The following CLEC12A variants were observed in gnomAD, a reference collection of about 807,000 sequenced individuals.
CLEC12A encodes the protein C-type lectin domain family 12 member A.
CLEC12A carries 22 observed loss-of-function variants against 26.5 expected under a neutral mutation model. That is an observed-to-expected ratio of 0.83 (90% CI 0.59 to 1.19). The LOEUF (loss-of-function observed/expected upper bound fraction) is 1.19, where lower values mean the gene tolerates loss of function less well. Ranked by LOEUF, CLEC12A falls within the 50% of genes most tolerant of loss-of-function variation. CLEC12A has a pLI of 0.00. For missense variants in CLEC12A, 353 were observed against 315.6 expected (o/e 1.12, Z -0.90); for synonymous variants, 119 against 101.9 (o/e 1.17, Z -1.01).
the CLEC12A span, among the ~76,000 whole-genome samples, chr12:10,002,977 G>T: frequency 3.9e-5 from 6 of 152,108 alleles, no homozygotes; most frequent in Non-Finnish European, 7.4e-5. Flanking sequence ...GGGATGTCCT[G>T]TATATATTTT....
downstream of CLEC12A, chr12:9,985,626 T>C (rs1275429123): frequency 2.5e-6 from 1 of 395,140 alleles, no homozygotes; most frequent in African/African-American, 2.1e-5. Context: ...TTAACTTCTG[T>C]GTGTTGAGCT....
At chr12:9,995,297 G>C (rs763607837) in exon 5 of CLEC12A, 1 of 1,455,194 alleles carries the variant, frequency 6.9e-7, no homozygotes, top group Non-Finnish European at 9.6e-7. Flanking sequence ...CACAGCTCTT[G>C]GTATGATAGA....
exon 5 of CLEC12A, chr12:9,995,128 C>T (rs1865007304): frequency 1.2e-6 from 2 of 1,610,966 alleles, no homozygotes; most frequent in Non-Finnish European, 1.7e-6. Flanking sequence ...TTCTAAGTGT[C>T]CAGTGACTTA....
chr12:9,971,169 G>T (rs1864111867), upstream of CLEC12A, among the ~76,000 whole-genome samples: 2 of 152,090 alleles, frequency 1.3e-5, no homozygotes, highest in Non-Finnish European at 2.9e-5. Context: ...CATCTTTTCT[G>T]TTATTTTTCT....
downstream of CLEC12A, chr12:9,999,300 C>T: frequency 2.4e-6 from 1 of 421,676 alleles, no homozygotes; most frequent in Non-Finnish European, 4.2e-6. Flanking sequence ...GATACATGGA[C>T]CTTGAACACA....
chr12:9,975,543 A>G (rs1864301151), intron 1 of CLEC12A, among the ~76,000 whole-genome samples: 1 of 152,220 alleles, frequency 6.6e-6, no homozygotes, highest in South Asian at 2.1e-4. Flanking sequence ...GCAGCAAAGC[A>G]TTAAAGACGT....
intron 1 of CLEC12A, among the ~76,000 whole-genome samples, chr12:9,974,894 A>T (rs1427651223): frequency 6.6e-6 from 1 of 152,154 alleles, no homozygotes; most frequent in East Asian, 1.9e-4. Context: ...ATGCTGTAGG[A>T]GGGACATGGT....
Position 9,957,291 on chromosome 12 carries a change from T to C in CLEC12A, c.10+5935T>C, listed in dbSNP as rs375882686. On this transcript the variant is annotated intron_variant, in intron 1 of 6. Transcript: ENST00000355690. ...TCACCTGAGGTCAGGAGTTTGAGACTAGCCTGACCAACATGGACAAACCCC... is the reference window on the plus strand; with the variant it reads ...TCACCTGAGGTCAGGAGTTTGAGACCAGCCTGACCAACATGGACAAACCCC... 9.9e-5 allele frequency among the ~76,000 whole-genome samples: 15 copies of C among 152,078 alleles called. No homozygotes were observed. In the East Asian group the frequency reaches 2.3e-3, roughly 24 times the overall value.
downstream of CLEC12A, among the ~76,000 whole-genome samples, chr12:9,989,878 G>T (rs972371096): frequency 2.0e-5 from 3 of 152,122 alleles, no homozygotes; most frequent in African/African-American, 7.2e-5. Context: ...AAAGCCAGTA[G>T]TCTTTTATCA....
intron 3 of CLEC12A, among the ~76,000 whole-genome samples, chr12:9,980,290 G>A (rs770020781): frequency 1.3e-5 from 2 of 151,130 alleles, no homozygotes; most frequent in African/African-American, 2.4e-5. Flanking sequence ...CTTCCCCTTC[G>A]ATGTAAAAAA....
At chr12:10,003,738 A>T in the CLEC12A span, among the ~76,000 whole-genome samples, 4 of 151,908 alleles carry the variant, frequency 2.6e-5, no homozygotes, top group Non-Finnish European at 4.4e-5. Flanking sequence ...ACATGCTGAA[A>T]CCCTTCCTCT....
chr12:9,970,537 C>T (rs1408700684), upstream of CLEC12A, among the ~76,000 whole-genome samples: 9 of 152,114 alleles, frequency 5.9e-5, no homozygotes, highest in Admixed American at 2.0e-4. Context: ...ACAGTCCTCT[C>T]CACCCCCTCA....
Position 9,961,266 on chromosome 12 carries a change from G to A in CLEC12A, c.10+9910G>A, listed in dbSNP as rs550472058. ...CTGAGAGATATAATGAAGCGTGTTC[G>A]ACACGCACTTCCTGTCATGGCCTGA... On this transcript the variant is annotated intron_variant, in intron 1 of 6. Coordinates refer to the CLEC12A transcript ENST00000355690. 2.2e-4 allele frequency among the ~76,000 whole-genome samples: 34 copies of A among 152,288 alleles called. 1 individual carries two copies. The highest frequency in any genetic ancestry group is 6.5e-4 in the African/African-American group (27 of 41,554).
chr12:9,956,934 T>C (rs968503253), intron 1 of CLEC12A, among the ~76,000 whole-genome samples: 12 of 152,236 alleles, frequency 7.9e-5, no homozygotes, highest in African/African-American at 2.9e-4. Flanking sequence ...TATGGATTCA[T>C]CACCTCAGAA....
chr12:9,969,405 C>A (rs976141509), upstream of CLEC12A, among the ~76,000 whole-genome samples: 14 of 152,130 alleles, frequency 9.2e-5, no homozygotes, highest in South Asian at 2.9e-3. Flanking sequence ...TTTTAAAAAA[C>A]TGATATAGGC....
intron 1 of CLEC12A, among the ~76,000 whole-genome samples, chr12:9,978,560 T>G (rs555391688): frequency 6.6e-6 from 1 of 152,162 alleles, no homozygotes; most frequent in African/African-American, 2.4e-5. Flanking sequence ...GCCACAATTG[T>G]CTACTCAAGC....
At chr12:9,967,984 G>A (rs959306939), upstream of CLEC12A, among the ~76,000 whole-genome samples, 4 of 152,270 alleles carry the variant, frequency 2.6e-5, no homozygotes, top group African/African-American at 4.8e-5. Flanking sequence ...AATAAAACGC[G>A]TCTCCTTCAT....
chr12:9,976,112 C>T (rs1864324752), intron 1 of CLEC12A, among the ~76,000 whole-genome samples: 1 of 152,196 alleles, frequency 6.6e-6, no homozygotes, highest in Non-Finnish European at 1.5e-5. Flanking sequence ...ATAACCTCTG[C>T]TAGGACAGTG....
chr12:9,969,792 C>T (rs1864061396), upstream of CLEC12A, among the ~76,000 whole-genome samples: 1 of 152,178 alleles, frequency 6.6e-6, no homozygotes, highest in African/African-American at 2.4e-5. Context: ...GCTACTCTTT[C>T]CCACCAGGAG....
Sources: gnomAD v4.1 joint callset for allele counts (sites outside exome capture counted in the v4.1 genomes callset) on GRCh38, gnomAD v4.1.1 for gene constraint, MANE v1.5 for transcripts, NCBI Gene and HGNC (gene_info 2026-07-23, HGNC 2026-07-21) for gene names.